Variants in TP53INP1 observed in about 807,000 individuals in gnomAD.
The protein encoded by TP53INP1 is tumor protein p53 inducible nuclear protein 1, also known as tumor protein p53-inducible nuclear protein 1.
In TP53INP1, 12 loss-of-function variants were observed where a neutral mutation model predicts 21.0. The observed-to-expected ratio is 0.57, with a 90% confidence interval of 0.37 to 0.93. The LOEUF (loss-of-function observed/expected upper bound fraction) is 0.93. Ranked by LOEUF, TP53INP1 falls within the 40% of genes least tolerant of loss-of-function variation. The pLI is 0.01. For missense variants in TP53INP1, 274 were observed against 294.7 expected (o/e 0.93, Z 0.51); for synonymous variants, 91 against 94.8 (o/e 0.96, Z 0.23).
rs140689274 is a variant in TP53INP1, at chr8:94,940,228, G to A, written c.113-8C>T. 2,135 of 1,598,200 alleles carry A rather than the reference G, an allele frequency of 1.3e-3. 32 individuals are homozygous for A. The African/African-American group carries it at 0.025, about 19-fold the overall frequency. On this transcript the variant is annotated splice_polypyrimidine_tract_variant and splice_region_variant and intron_variant, in intron 2 of 3. Coordinates refer to ENST00000342697, the MANE Select transcript of TP53INP1 (RefSeq NM_033285.4). ...AGAAACCAGTGCAAGTATCTAGATCGTAGTCCACATTGCAGTCCACATGTG... is the reference window on the plus strand; with the variant it reads ...AGAAACCAGTGCAAGTATCTAGATCATAGTCCACATTGCAGTCCACATGTG...
chr8:94,941,006 T>A lies in TP53INP1; in HGVS notation c.-65A>T. 1 of 1,275,902 alleles carries A rather than the reference T, an allele frequency of 7.8e-7. No homozygotes were observed. Among genetic ancestry groups the A allele is most frequent in the African/African-American group, 1.5e-5 (1 of 67,626 alleles). The allele number at this position is 1,275,902 out of a possible 1,614,324, so 79.0% of individuals were successfully genotyped here. ...TAGCTGAGATTTCAAAACCTTGTCT[T>A]TAGTTGGCCCAATGGTACCGACAGG... On this transcript the variant is annotated 5_prime_UTR_variant, in exon 2 of 4. Transcript: ENST00000342697.
In TP53INP1 at chr8:94,940,825, C is replaced by G. The variant is rs773426792; in HGVS notation, c.112+5G>C. 7 of 1,605,210 alleles carry G rather than the reference C, an allele frequency of 4.4e-6. No individual in the cohort carries two copies. In the East Asian group the frequency reaches 1.3e-4, roughly 31 times the overall value. On this transcript the variant is annotated splice_donor_5th_base_variant and intron_variant, in intron 2 of 3. Transcript: ENST00000342697. Reference sequence around the variant, plus strand: ...TGAACCACCAAGTAACCAAGTGTACCTTACCTATGAAGTCAACAAGAATCC... The same window carrying G: ...TGAACCACCAAGTAACCAAGTGTACGTTACCTATGAAGTCAACAAGAATCC...
chr8:94,930,319 A>G lies in TP53INP1; in HGVS notation c.*160T>C. ...GGCAAGGCATTATGTGATACACAGC[A>G]TATAAATCTGATTTTCAAGATAGTG... On this transcript the variant is annotated 3_prime_UTR_variant, in exon 4 of 4. Coordinates refer to ENST00000342697, the MANE Select transcript of TP53INP1 (RefSeq NM_033285.4). The G allele has an allele frequency of 1.0e-6, 1 of 968,616 alleles. No homozygotes were observed. Among genetic ancestry groups the G allele is most frequent in the Non-Finnish European group, 1.5e-6 (1 of 653,232 alleles). The allele number at this position is 968,616 out of a possible 1,614,324, so 60.0% of individuals were successfully genotyped here. A position where few individuals can be genotyped will look rare whatever the true frequency, so the allele number is the denominator to read the frequency against.
intron 3 of TP53INP1, among the ~76,000 whole-genome samples, chr8:94,935,326 TCCA>T (rs1820876156): frequency 6.6e-6 from 1 of 152,148 alleles, no homozygotes; most frequent in Non-Finnish European, 1.5e-5. Flanking sequence ...CAGGAAACAT[TCCA>T]CTAAGGTACA....
In TP53INP1 at chr8:94,930,573, C is replaced by G. The variant is rs185282859; in HGVS notation, c.629G>C (p.Arg210Pro). ...GCAATCCCTGGTAAGATTTTGGCGACGAAGGCTATTTCTGTTAAGAGGCTG... is the reference window on the plus strand; with the variant it reads ...GCAATCCCTGGTAAGATTTTGGCGAGGAAGGCTATTTCTGTTAAGAGGCTG... ...ERQPLNRNSLRRQNLTRDCHP... is the reference protein window; with the variant it reads ...ERQPLNRNSLPRQNLTRDCHP... The change falls in exon 4 of 4, where the codon CGT becomes CCT. Residue 210 changes from arginine (R) to proline (P), a missense_variant. Transcript: ENST00000342697. The G allele has an allele frequency of 1.4e-5, 22 of 1,614,066 alleles. No individual in the cohort carries two copies. Among genetic ancestry groups the G allele is most frequent in the Admixed American group, 3.3e-5 (2 of 59,994 alleles).
At chr8:94,941,197 C>T in intron 1 of TP53INP1, 106 bp from the exon 2 acceptor site, 1 of 327,924 alleles carries the variant, frequency 3.0e-6, no homozygotes. Context: ...ATGCCTTGGC[C>T]TACATTCTAC....
intron 3 of TP53INP1, among the ~76,000 whole-genome samples, chr8:94,931,026 A>G (rs1281427607): frequency 6.6e-6 from 1 of 152,224 alleles, no homozygotes; most frequent in African/African-American, 2.4e-5. Context: ...ACACACATTT[A>G]TATAAGCTTG....
Position 94,940,126 on chromosome 8 carries a change from T to C in TP53INP1, c.207A>G (p.Leu69=). ...CAGCCAAGCACTCAAGAGATGCCGG[T>C]AAACAGGAAAAGACTGAAGGGTGCT... ...PTEHPSVFSC[L]PASLECLADT... Residue 69 remains leucine, a synonymous_variant, in exon 3 of 4, where the codon TTA becomes TTG. Transcript: ENST00000342697. The C allele has an allele frequency of 6.2e-7, 1 of 1,614,194 alleles. No individual in the cohort carries two copies. The highest frequency in any genetic ancestry group is 8.5e-7 in the Non-Finnish European group (1 of 1,180,040).
In TP53INP1 at chr8:94,929,078, C is replaced by T. The variant is rs1215266808; in HGVS notation, c.*1401G>A. The T allele has an allele frequency of 6.6e-6, 1 of 152,590 alleles. No homozygotes were observed. The highest frequency in any genetic ancestry group is 1.5e-5 in the Non-Finnish European group (1 of 68,042). 9.5% of individuals were successfully genotyped at this position (152,590 alleles called of 1,614,324 possible). On this transcript the variant is annotated 3_prime_UTR_variant, in exon 4 of 4. Coordinates refer to ENST00000342697, the MANE Select transcript of TP53INP1 (RefSeq NM_033285.4). ...CTAGAGGTAAGGAAATAGATTTTCT[C>T]TAAGTTAACTGGCCTACGTGTGAAT...
chr8:94,940,955 CTG>C lies in TP53INP1; in HGVS notation c.-16_-15del. 6.2e-7 allele frequency: 1 copy of C among 1,601,006 alleles called. No homozygotes were observed. The highest frequency in any genetic ancestry group is 8.5e-7 in the Non-Finnish European group (1 of 1,170,612). On this transcript the variant is annotated 5_prime_UTR_variant, in exon 2 of 4. Transcript: ENST00000342697. ...CCTCTGGAACATTGTTAAGGCAAGA[CTG>C]AGAGTTTGGCTGGATGTCTTTTATA...
chr8:94,930,754 A>G, intron 3 of TP53INP1, 26 bp from the exon 4 acceptor site: 1 of 1,610,962 alleles, frequency 6.2e-7, no homozygotes, highest in Non-Finnish European at 8.5e-7. Flanking sequence ...GTGGGGATGT[A>G]TTAAATAACA....
intron 1 of TP53INP1, among the ~76,000 whole-genome samples, chr8:94,942,279 A>G (rs1821615899): frequency 6.6e-6 from 1 of 151,748 alleles, no homozygotes; most frequent in Non-Finnish European, 1.5e-5. Context: ...TGACCTCATG[A>G]TCCGCCCACC....
At chr8:94,943,053 T>G (rs746322357) in intron 1 of TP53INP1, among the ~76,000 whole-genome samples, 11 of 152,090 alleles carry the variant, frequency 7.2e-5, no homozygotes, top group Non-Finnish European at 1.6e-4. Flanking sequence ...TCGAATATGG[T>G]AAATTGGGGG....
At chr8:94,931,599 CACACACACACAT>C (rs994449810) in intron 3 of TP53INP1, among the ~76,000 whole-genome samples, 1 of 54,654 alleles carries the variant, frequency 1.8e-5, no homozygotes, top group African/African-American at 4.1e-5. Flanking sequence ...CACACACACA[CACACACACACAT>C]AAAATTTTTT....
rs541453663 is a variant in TP53INP1 at position 94,927,729 on chromosome 8, T to C, written c.*2750A>G. The C allele has an allele frequency of 3.3e-5, 5 of 152,564 alleles. No individual in the cohort carries two copies. In the East Asian group the frequency reaches 9.6e-4, roughly 29 times the overall value. The allele number at this position is 152,564 out of a possible 1,614,324, so 9.5% of individuals were successfully genotyped here. A position where few individuals can be genotyped will look rare whatever the true frequency, so the allele number is the denominator to read the frequency against. On this transcript the variant is annotated 3_prime_UTR_variant, in exon 4 of 4. Coordinates refer to ENST00000342697, the MANE Select transcript of TP53INP1 (RefSeq NM_033285.4). ...AAACTTTGAGAAACATGGCGCACTA[T>C]AAAAGCTAAGAAACTCATTCACGAA... is the stretch of plus-strand genomic sequence containing the variant.
Position 94,927,697 on chromosome 8 carries a change from C to T in TP53INP1, c.*2782G>A, listed in dbSNP as rs1427470510. ...TATATATTATAAAATGTTTTGTCAACAAAAACAAACTTTGAGAAACATGGC... is the reference window on the plus strand; with the variant it reads ...TATATATTATAAAATGTTTTGTCAATAAAAACAAACTTTGAGAAACATGGC... On this transcript the variant is annotated 3_prime_UTR_variant, in exon 4 of 4. Coordinates refer to ENST00000342697, the MANE Select transcript of TP53INP1 (RefSeq NM_033285.4). The T allele has an allele frequency of 2.0e-5, 3 of 152,230 alleles. No individual in the cohort carries two copies. The highest frequency in any genetic ancestry group is 6.5e-5 in the Admixed American group (1 of 15,282). The allele number at this position is 152,230 out of a possible 1,614,324, so 9.4% of individuals were successfully genotyped here. A position where few individuals can be genotyped will look rare whatever the true frequency, so the allele number is the denominator to read the frequency against.
chr8:94,943,162 A>T (rs1359346933), intron 1 of TP53INP1, among the ~76,000 whole-genome samples: 1 of 152,102 alleles, frequency 6.6e-6, no homozygotes, highest in African/African-American at 2.4e-5. Flanking sequence ...TAGATTTGGG[A>T]GCTGATGACA....
chr8:94,931,613 A>T (rs567264220), intron 3 of TP53INP1, among the ~76,000 whole-genome samples: 2 of 46,086 alleles, frequency 4.3e-5, no homozygotes, highest in African/African-American at 1.3e-4. Context: ...CACACACATA[A>T]AATTTTTTTA....
rs1821375644 is a variant in TP53INP1, at chr8:94,940,096, T to C, written c.237A>G (p.Thr79=). ...LPASLECLAD[T]SDSCFLQFES... is the part of the protein sequence containing the mutation. The stretch of plus-strand genomic sequence containing the variant: ...CAAACTGGAGAAAGCAGGAATCACT[T>C]GTATCAGCCAAGCACTCAAGAGATG... Residue 79 remains threonine (T), a synonymous_variant, in exon 3 of 4, where the codon ACA becomes ACG. Coordinates refer to ENST00000342697, the MANE Select transcript of TP53INP1 (RefSeq NM_033285.4). The C allele has an allele frequency of 1.9e-6, 3 of 1,614,214 alleles. No individual in the cohort carries two copies. Among genetic ancestry groups the C allele is most frequent in the Non-Finnish European group, 2.5e-6 (3 of 1,180,040 alleles).
Sources: allele counts gnomAD v4.1 joint callset (sites outside exome capture counted in the v4.1 genomes callset), GRCh38; gene constraint gnomAD v4.1.1; transcripts MANE v1.5; gene names NCBI Gene and HGNC (gene_info 2026-07-23, HGNC 2026-07-21).